CUL5: variants seen among roughly 807,000 people sequenced by gnomAD.
CUL5 encodes cullin-5.
In CUL5, 26 loss-of-function variants were observed where a neutral mutation model predicts 108.8. The ratio of observed to expected loss-of-function variants is 0.24; its 90% CI spans 0.18 to 0.33. The LOEUF is 0.33. Among genes scored for constraint, CUL5 ranks in the 10% least tolerant of loss-of-function variants. The probability of loss-of-function intolerance (pLI) is 1.00; values close to 1 mark genes in which losing one functional copy is unlikely to be tolerated. For missense variants in CUL5, 524 were observed against 909.2 expected (o/e 0.58, Z 5.45); for synonymous variants, 334 against 298.0 (o/e 1.12, Z -1.25).
At chr11:108,015,073 A>G (rs554318893) in intron 1 of CUL5, among the ~76,000 whole-genome samples, 1 of 152,040 alleles carries the variant, frequency 6.6e-6, no homozygotes, top group East Asian at 1.9e-4. Flanking sequence ...TGATTTTTGC[A>G]TTTTTAGTAG....
At chr11:108,019,624 C>T (rs745310537) in intron 1 of CUL5, among the ~76,000 whole-genome samples, 14 of 151,994 alleles carry the variant, frequency 9.2e-5, no homozygotes, top group Non-Finnish European at 1.9e-4. Flanking sequence ...GTGTCTGTGG[C>T]GATGCTGGTG....
chr11:108,100,802 G>A (rs146978624), intron 18 of CUL5, among the ~76,000 whole-genome samples: 1,848 of 152,240 alleles, frequency 0.012, 36 homozygotes, highest in African/African-American at 0.042. Flanking sequence ...AGGCCGAGGC[G>A]GGTGGATCAC....
chr11:108,088,313 C>G (rs1864271769), intron 11 of CUL5, among the ~76,000 whole-genome samples: 2 of 152,162 alleles, frequency 1.3e-5, no homozygotes, highest in Admixed American at 6.5e-5. Context: ...TTCTTACTCT[C>G]AGGATTCTGC....
At chr11:108,069,529 G>C (rs993760349) in intron 7 of CUL5, among the ~76,000 whole-genome samples, 1 of 152,052 alleles carries the variant, frequency 6.6e-6, no homozygotes, top group South Asian at 2.1e-4. Flanking sequence ...CTAGAAAAAA[G>C]TAGTTTCTAA....
At chr11:108,102,818 T>C (rs888779147) in intron 18 of CUL5, among the ~76,000 whole-genome samples, 10 of 152,150 alleles carry the variant, frequency 6.6e-5, no homozygotes, top group African/African-American at 2.4e-4. Flanking sequence ...TATATGCCTT[T>C]TGTTTTGGAG....
At chr11:108,036,621 G>A (rs1862750452) in intron 2 of CUL5, among the ~76,000 whole-genome samples, 1 of 152,092 alleles carries the variant, frequency 6.6e-6, no homozygotes, top group Non-Finnish European at 1.5e-5. Context: ...GGGACTACAG[G>A]TACCCACCAC....
intron 8 of CUL5, 64 bp downstream of exon 8, chr11:108,070,253 T>G: frequency 1.7e-6 from 2 of 1,201,648 alleles, no homozygotes; most frequent in Non-Finnish European, 2.4e-6. Flanking sequence ...AACAAATCAC[T>G]TACTAAGTTG....
intron 1 of CUL5, among the ~76,000 whole-genome samples, chr11:108,028,440 A>G (rs971907837): frequency 6.6e-6 from 1 of 152,156 alleles, no homozygotes; most frequent in Non-Finnish European, 1.5e-5. Context: ...ACCTCAGTCC[A>G]AGTCACCATC....
chr11:108,033,059 G>T (rs1862634840), intron 1 of CUL5, among the ~76,000 whole-genome samples: 2 of 152,172 alleles, frequency 1.3e-5, no homozygotes, highest in Non-Finnish European at 2.9e-5. Context: ...AGTGAAAGCT[G>T]TTGTACCCAT....
chr11:108,028,665 C>G (rs530856519), intron 1 of CUL5, among the ~76,000 whole-genome samples: 1 of 151,992 alleles, frequency 6.6e-6, no homozygotes, highest in Admixed American at 6.6e-5. Flanking sequence ...GGTGAAACCC[C>G]GTCTCTACTA....
chr11:108,046,232 T>A (rs776137420), intron 2 of CUL5, 38 bp from the exon 3 acceptor site: 1 of 1,380,344 alleles, frequency 7.2e-7, no homozygotes, highest in Non-Finnish European at 1.0e-6. Context: ...AGTTCTTGTT[T>A]CATTATTAAT....
chr11:108,034,912 C>G (rs1862693154), intron 2 of CUL5, among the ~76,000 whole-genome samples: 1 of 152,088 alleles, frequency 6.6e-6, no homozygotes, highest in Non-Finnish European at 1.5e-5. Context: ...ATTTTTAAAA[C>G]TTTTCAAAAT....
intron 1 of CUL5, among the ~76,000 whole-genome samples, chr11:108,024,528 A>T (rs1862409899): frequency 6.6e-6 from 1 of 152,252 alleles, no homozygotes; most frequent in Admixed American, 6.5e-5. Flanking sequence ...ACAGCACCTA[A>T]CATGTAACAG....
At chr11:108,087,731 G>A (rs1229421803) in intron 11 of CUL5, among the ~76,000 whole-genome samples, 3 of 152,136 alleles carry the variant, frequency 2.0e-5, no homozygotes, top group Non-Finnish European at 4.4e-5. Flanking sequence ...TTGGGAGGCC[G>A]AGGCAGGTGG....
chr11:108,076,327 C>G (rs1398873785), intron 10 of CUL5, among the ~76,000 whole-genome samples: 2 of 152,152 alleles, frequency 1.3e-5, no homozygotes, highest in Non-Finnish European at 2.9e-5. Context: ...AGCCACCATG[C>G]CCAGCCCAGT....
In CUL5 at chr11:108,009,153, G is replaced by T; in HGVS notation, c.-196G>T. The T allele has an allele frequency of 1.6e-6, 1 of 618,032 alleles. No homozygotes were observed. Among genetic ancestry groups the T allele is most frequent in the Non-Finnish European group, 2.9e-6 (1 of 342,426 alleles). 38.3% of individuals were successfully genotyped at this position (618,032 alleles called of 1,614,324 possible). A position where few individuals can be genotyped will look rare whatever the true frequency, so the allele number is the denominator to read the frequency against. On this transcript the variant is annotated 5_prime_UTR_variant, in exon 1 of 19. It removes an upstream start codon present in the reference 5' UTR. Transcript: ENST00000393094. ...CGCGTGGGGAAGCTCCGGTGACCAT[G>T]TAGGGGAGAAGAGTGAGGAAGCTCC...
At chr11:108,037,875 C>T (rs1295472201) in intron 2 of CUL5, among the ~76,000 whole-genome samples, 1 of 152,212 alleles carries the variant, frequency 6.6e-6, no homozygotes, top group Non-Finnish European at 1.5e-5. Flanking sequence ...AGCCAAAGGC[C>T]AGTCTTGCAC....
At chr11:108,054,234 T>C (rs1863315590) in intron 5 of CUL5, among the ~76,000 whole-genome samples, 1 of 152,222 alleles carries the variant, frequency 6.6e-6, no homozygotes, top group Admixed American at 6.5e-5. Context: ...TTACCTTCTA[T>C]TAACCTTGCA....
At chr11:108,068,087 G>A (rs552746204) in intron 7 of CUL5, among the ~76,000 whole-genome samples, 8 of 151,672 alleles carry the variant, frequency 5.3e-5, no homozygotes, top group African/African-American at 1.7e-4. Flanking sequence ...CACCATGCCC[G>A]GCTAATTTTT....
Sources: allele counts gnomAD v4.1 joint callset (sites outside exome capture counted in the v4.1 genomes callset), GRCh38; gene constraint gnomAD v4.1.1; transcripts MANE v1.5; gene names NCBI Gene and HGNC (gene_info 2026-07-23, HGNC 2026-07-21).